Variants in THSD4 observed in about 807,000 individuals in gnomAD.
THSD4 encodes thrombospondin type-1 domain-containing protein 4.
THSD4 carries 69 observed loss-of-function variants against 119.0 expected under a neutral mutation model. That is an observed-to-expected ratio of 0.58 (90% CI 0.48 to 0.71). THSD4 has a LOEUF of 0.71. THSD4 is among the 30% of genes least tolerant of loss of function. The pLI is 0.00. For synonymous variants in THSD4, 524 were observed against 540.4 expected, an observed-to-expected ratio of 0.97 and a Z score of 0.42; for missense variants, 1,393 against 1,391.1, an observed-to-expected ratio of 1.00 and a Z score of -0.02.
intron 6 of THSD4, among the ~76,000 whole-genome samples, chr15:71,304,353 C>T (rs1381128883): frequency 1.3e-5 from 2 of 151,880 alleles, no homozygotes; most frequent in Non-Finnish European, 2.9e-5. Context: ...TGCCATGACA[C>T]TGTTCAAACT....
At chr15:71,279,909 T>C (rs1291424560) in intron 6 of THSD4, among the ~76,000 whole-genome samples, 2 of 152,224 alleles carry the variant, frequency 1.3e-5, no homozygotes, top group African/African-American at 2.4e-5. Flanking sequence ...ACAACCTCAG[T>C]GCAAAAGCCC....
chr15:71,532,361 A>G (rs1251474043), intron 7 of THSD4, among the ~76,000 whole-genome samples: 1 of 148,632 alleles, frequency 6.7e-6, no homozygotes, highest in African/African-American at 2.5e-5. Context: ...ACCAGGCTGG[A>G]TTACAGTGGT....
chr15:71,428,713 G>C (rs1451362915), intron 7 of THSD4, among the ~76,000 whole-genome samples: 1 of 152,158 alleles, frequency 6.6e-6, no homozygotes. Context: ...ATTTTTAATA[G>C]ATACTACATT....
At chr15:71,109,261 C>G (rs975652257) in intron 1 of THSD4, among the ~76,000 whole-genome samples, 2 of 152,128 alleles carry the variant, frequency 1.3e-5, no homozygotes, top group African/African-American at 4.8e-5. Flanking sequence ...CAAGACACAT[C>G]GTGGGGAGTT....
At chr15:71,485,376 A>G (rs781741732) in intron 7 of THSD4, among the ~76,000 whole-genome samples, 36 of 152,324 alleles carry the variant, frequency 2.4e-4, no homozygotes, top group Non-Finnish European at 4.7e-4. Flanking sequence ...AACCCCCTAA[A>G]GAATTTTTCT....
chr15:71,303,015 G>A (rs747517108), intron 6 of THSD4, among the ~76,000 whole-genome samples: 7 of 151,870 alleles, frequency 4.6e-5, no homozygotes, highest in East Asian at 1.9e-4. Context: ...CTGCCCACCC[G>A]ATACGAGGTC....
At chr15:71,613,510 A>G (rs2050267412) in intron 7 of THSD4, among the ~76,000 whole-genome samples, 1 of 152,238 alleles carries the variant, frequency 6.6e-6, no homozygotes, top group African/African-American at 2.4e-5. Flanking sequence ...GCCAGAAGAT[A>G]CATATGGAGC....
intron 7 of THSD4, among the ~76,000 whole-genome samples, chr15:71,617,116 T>G (rs2221241): frequency 0.18 from 26,856 of 152,076 alleles, 2,882 homozygotes; most frequent in Non-Finnish European, 0.24. Flanking sequence ...GCAAATGTCC[T>G]CAGAAGCTTA....
intron 8 of THSD4, among the ~76,000 whole-genome samples, chr15:71,716,680 C>A (rs918049707): frequency 6.6e-6 from 1 of 151,244 alleles, no homozygotes; most frequent in African/African-American, 2.4e-5. Flanking sequence ...GGGCTGTTAT[C>A]CTGCCCAGCC....
chr15:71,112,909 T>C (rs149046786), upstream of THSD4, among the ~76,000 whole-genome samples: 1,799 of 152,366 alleles, frequency 0.012, 37 homozygotes, highest in African/African-American at 0.04. Flanking sequence ...CTGGTCTCTG[T>C]GGCTCACGCC....
At chr15:71,564,508 C>G (rs1157441179) in intron 7 of THSD4, among the ~76,000 whole-genome samples, 1 of 150,802 alleles carries the variant, frequency 6.6e-6, no homozygotes, top group Non-Finnish European at 1.5e-5. Flanking sequence ...AAAGCAGGTG[C>G]AAAGGCAGGA....
chr15:71,713,421 T>C (rs2052551745), intron 8 of THSD4, among the ~76,000 whole-genome samples: 1 of 152,220 alleles, frequency 6.6e-6, no homozygotes, highest in Admixed American at 6.5e-5. Context: ...CCCACACCTA[T>C]GTTGCTGATT....
At chr15:71,735,027 T>G (rs570386954) in intron 10 of THSD4, among the ~76,000 whole-genome samples, 64 of 152,054 alleles carry the variant, frequency 4.2e-4, no homozygotes, top group Non-Finnish European at 8.1e-4. Context: ...TGACCTCAAC[T>G]TCACCCTTCT....
At chr15:71,255,027 G>T (rs569347641) in intron 5 of THSD4, among the ~76,000 whole-genome samples, 1 of 152,216 alleles carries the variant, frequency 6.6e-6, no homozygotes, top group African/African-American at 2.4e-5. Context: ...AGCAGGAGAT[G>T]TTTACCCTCA....
chr15:71,373,094 G>T (rs1222307909), intron 6 of THSD4, among the ~76,000 whole-genome samples: 1 of 152,224 alleles, frequency 6.6e-6, no homozygotes, highest in Non-Finnish European at 1.5e-5. Context: ...AAAATATTCA[G>T]ATAGCATTAG....
In THSD4 at chr15:71,298,837, T is replaced by G. The variant is rs142908982; in HGVS notation, c.1015+42122T>G. 6.7e-3 allele frequency among the ~76,000 whole-genome samples: 1,022 copies of G among 152,350 alleles called. 10 individuals carry two copies. The highest frequency in any genetic ancestry group is 0.023 in the African/African-American group (960 of 41,590). On this transcript the variant is annotated intron_variant, in intron 6 of 17. Coordinates refer to ENST00000261862, the MANE Select transcript of THSD4 (RefSeq NM_024817.3). ...TCTGTTGCCCAGGCTGGTCTCGAACTCCTGAGCTTGGGCAATCCACCGGCC... is the reference window on the plus strand; with the variant it reads ...TCTGTTGCCCAGGCTGGTCTCGAACGCCTGAGCTTGGGCAATCCACCGGCC...
intron 7 of THSD4, among the ~76,000 whole-genome samples, chr15:71,507,110 C>G (rs4776555): frequency 0.97 from 147,520 of 152,302 alleles, 71,608 homozygotes; most frequent in East Asian, 1. Flanking sequence ...GCACATGCCT[C>G]GGGCTGCCCC....
At chr15:71,451,181 GAAA>G (rs1194465496) in intron 7 of THSD4, among the ~76,000 whole-genome samples, 1 of 151,564 alleles carries the variant, frequency 6.6e-6, no homozygotes, top group Admixed American at 6.6e-5. Flanking sequence ...CCCTCTCAAA[GAAA>G]AAAAAGGGAG....
chr15:71,608,237 A>AATATATATAT (rs1555431559), intron 7 of THSD4, among the ~76,000 whole-genome samples: 5 of 111,622 alleles, frequency 4.5e-5, no homozygotes, highest in Admixed American at 2.2e-4. Flanking sequence ...AAAAAAAAAA[A>AATATATATAT]ATATATATAT....
Sources: allele counts gnomAD v4.1 joint callset (sites outside exome capture counted in the v4.1 genomes callset), GRCh38; gene constraint gnomAD v4.1.1; transcripts MANE v1.5; gene names NCBI Gene and HGNC (gene_info 2026-07-23, HGNC 2026-07-21).